The following GLB1 variants were observed in gnomAD, a reference collection of about 807,000 sequenced individuals.
The protein encoded by GLB1 is galactosidase beta 1, also known as beta-galactosidase.
GLB1 carries 56 observed loss-of-function variants against 74.0 expected under a neutral mutation model. That is an observed-to-expected ratio of 0.76 (90% confidence interval 0.61 to 0.94). The LOEUF is 0.94. Ranked by LOEUF, GLB1 falls within the 40% of genes least tolerant of loss-of-function variation. The pLI is 0.00. For missense variants in GLB1, 787 were observed against 845.5 expected (o/e 0.93, Z 0.86); for synonymous variants, 323 against 323.6 (o/e 1.00, Z 0.02).
rs760330495 is a variant in GLB1 at position 33,097,128 on chromosome 3, C to T, written c.-43G>A. On this transcript the variant is annotated 5_prime_UTR_variant, in exon 1 of 16. Transcript: ENST00000307363. ...CTCTGCAGTCGGCGCCCAGGCCGGC[C>T]GCTTCGCGTCACTTGACTAAGGACC... The T allele has an allele frequency of 6.2e-7, 1 of 1,605,634 alleles. No homozygotes were observed. Among genetic ancestry groups the T allele is most frequent in the Middle Eastern group, 1.7e-4 (1 of 6,026 alleles).
intron 9 of GLB1, among the ~76,000 whole-genome samples, chr3:33,050,798 A>C (rs1189085695): frequency 6.6e-6 from 1 of 152,254 alleles, no homozygotes; most frequent in Non-Finnish European, 1.5e-5. Flanking sequence ...TACCTCAACA[A>C]AACAAAACGT....
At chr3:33,009,753 C>A (rs912132255) in intron 15 of GLB1, among the ~76,000 whole-genome samples, 1 of 152,214 alleles carries the variant, frequency 6.6e-6, no homozygotes, top group East Asian at 1.9e-4. Context: ...AAACCCCATG[C>A]CCACTTAACA....
intron 5 of GLB1, among the ~76,000 whole-genome samples, chr3:33,063,350 C>A (rs544746254): frequency 6.6e-6 from 1 of 152,014 alleles, no homozygotes; most frequent in Non-Finnish European, 1.5e-5. Flanking sequence ...TTTCTGCTTT[C>A]TTATGTCTAT....
At chr3:32,967,973 C>A in the GLB1 span, among the ~76,000 whole-genome samples, 4 of 152,152 alleles carry the variant, frequency 2.6e-5, no homozygotes, top group African/African-American at 9.7e-5. Flanking sequence ...GATCACCTCC[C>A]GGGGAATGAC....
intron 5 of GLB1, among the ~76,000 whole-genome samples, chr3:33,061,880 G>T (rs1348982023): frequency 1.3e-5 from 2 of 152,158 alleles, no homozygotes; most frequent in African/African-American, 4.8e-5. Flanking sequence ...CCCCCCAAAA[G>T]AGAAACATCT....
intron 10 of GLB1, among the ~76,000 whole-genome samples, chr3:33,035,868 T>C (rs1698252623): frequency 6.6e-6 from 1 of 152,262 alleles, no homozygotes; most frequent in South Asian, 2.1e-4. Context: ...TATATCATTT[T>C]CTTCTTTAAA....
At chr3:33,094,150 C>T (rs773569384) in intron 1 of GLB1, 1 of 1,612,664 alleles carries the variant, frequency 6.2e-7, no homozygotes, top group Non-Finnish European at 8.5e-7. Flanking sequence ...GTGACAGCAG[C>T]CAGGGTGGCC....
At position 33,093,380 on chromosome 3, in the gene GLB1, G is replaced by A; in HGVS notation, c.75+3631C>T. On this transcript the variant is annotated intron_variant, in intron 1 of 15. Coordinates refer to ENST00000307363, the MANE Select transcript of GLB1 (RefSeq NM_000404.4). The surrounding 1 kb of genome is among the most constrained non-coding windows in gnomAD (Gnocchi z 6.0). ...AGTACTCATGATTGCCTGTGACGAA[G>A]TAGGCACCGAGATGTGAATGAAGCT... 1.9e-6 allele frequency: 3 copies of A among 1,614,230 alleles called. No individual in the cohort carries two copies. Among genetic ancestry groups the A allele is most frequent in the Non-Finnish European group, 2.5e-6 (3 of 1,180,038 alleles).
chr3:32,976,670 T>C, the GLB1 span, among the ~76,000 whole-genome samples: 1 of 152,154 alleles, frequency 6.6e-6, no homozygotes, highest in South Asian at 2.1e-4. Context: ...CCCTCCCCCT[T>C]AGCCCGTGGA....
At chr3:33,065,684 C>A in intron 4 of GLB1, 127 bp from the exon 5 acceptor site, 1 of 1,178,324 alleles carries the variant, frequency 8.5e-7, no homozygotes, top group African/African-American at 1.5e-5. Context: ...TCTGAGTTTT[C>A]TGGCTGGGTG....
chr3:33,046,068 AAAAGAGGCTCTGTCC>A, intron 10 of GLB1, 37 bp downstream of exon 10: 4 of 1,596,834 alleles, frequency 2.5e-6, no homozygotes, highest in Non-Finnish European at 3.4e-6. Context: ...CAGTGAGTTC[AAAAGAGGCTCTGTCC>A]AAGATCAGCC....
intron 12 of GLB1, among the ~76,000 whole-genome samples, chr3:33,019,418 C>G (rs1697377908): frequency 6.6e-6 from 1 of 152,110 alleles, no homozygotes; most frequent in South Asian, 2.1e-4. Context: ...CAGGGCTGAG[C>G]TGGGACATAA....
At chr3:33,002,797 C>T (rs1696632539) in intron 15 of GLB1, among the ~76,000 whole-genome samples, 1 of 152,106 alleles carries the variant, frequency 6.6e-6, no homozygotes, top group African/African-American at 2.4e-5. Context: ...GTGAATGCTG[C>T]CTTTGTCACA....
Position 33,001,933 on chromosome 3 carries a change from T to C in GLB1, c.1735-4589A>G, listed in dbSNP as rs192309833. ...ATATAATTTACCTTTAAAAATTCTA[T>C]TTAAAAAATATATACATTGATTTTT... On this transcript the variant is annotated intron_variant, in intron 15 of 15. Transcript: ENST00000307363. Among the ~76,000 whole-genome samples, 498 of 152,354 alleles carry C rather than the reference T, an allele frequency of 3.3e-3. 4 individuals carry two copies. The highest frequency in any genetic ancestry group is 4.2e-3 in the Non-Finnish European group (286 of 68,036).
chr3:32,975,060 A>G, the GLB1 span, among the ~76,000 whole-genome samples: 2 of 152,058 alleles, frequency 1.3e-5, no homozygotes, highest in South Asian at 2.1e-4. Flanking sequence ...AATGAATCCC[A>G]CTTTGAGGCA....
intron 6 of GLB1, among the ~76,000 whole-genome samples, chr3:33,056,904 C>T (rs564147536): frequency 7.2e-5 from 11 of 152,250 alleles, no homozygotes; most frequent in African/African-American, 2.6e-4. Context: ...TCAAAGATTG[C>T]AATTTCTCAA....
chr3:32,973,963 A>G, the GLB1 span, among the ~76,000 whole-genome samples: 4 of 152,108 alleles, frequency 2.6e-5, no homozygotes, highest in African/African-American at 9.7e-5. Context: ...ACTCTGCTCC[A>G]TCTAATATGG....
Position 32,996,706 on chromosome 3 carries a change from C to A in GLB1, c.*339G>T. The A allele has an allele frequency of 2.8e-6, 1 of 351,362 alleles. No homozygotes were observed. Among genetic ancestry groups the A allele is most frequent in the Non-Finnish European group, 5.5e-6 (1 of 182,746 alleles). The allele number at this position is 351,362 out of a possible 1,614,324, so 21.8% of individuals were successfully genotyped here. On this transcript the variant is annotated 3_prime_UTR_variant, in exon 16 of 16. Transcript: ENST00000307363. Reference sequence around the variant, plus strand: ...GTCAGACCATATAATTCAATACCTGCACATTAAAAACAGTGACATCATCAT... The same window carrying A: ...GTCAGACCATATAATTCAATACCTGAACATTAAAAACAGTGACATCATCAT...
chr3:33,095,431 C>T (rs1700982307), intron 1 of GLB1, among the ~76,000 whole-genome samples: 1 of 152,054 alleles, frequency 6.6e-6, no homozygotes, highest in Non-Finnish European at 1.5e-5. Context: ...GAGGCTGAGG[C>T]AGGAGAATGG....
Sources: allele counts gnomAD v4.1 joint callset (sites outside exome capture counted in the v4.1 genomes callset), GRCh38; gene constraint gnomAD v4.1.1; non-coding constraint Gnocchi (gnomAD v3.1); transcripts MANE v1.5; gene names NCBI Gene and HGNC (gene_info 2026-07-23, HGNC 2026-07-21).